Variants in SLC39A11 observed in about 807,000 individuals in gnomAD.
The protein encoded by SLC39A11 is solute carrier family 39 member 11, also known as zinc transporter ZIP11.
Under a neutral mutation model 36.1 loss-of-function variants are expected in SLC39A11, and 33 were observed. The observed-to-expected ratio is 0.91, with a 90% CI of 0.69 to 1.22. SLC39A11 has a LOEUF of 1.22. Among genes scored for constraint, SLC39A11 ranks in the 50% most tolerant of loss-of-function variants. The pLI, the probability that SLC39A11 is intolerant of heterozygous loss-of-function variation, is 0.00. For synonymous variants in SLC39A11, 166 were observed against 170.3 expected, an observed-to-expected ratio of 0.97 and a Z score of 0.20; for missense variants, 432 against 430.3, an observed-to-expected ratio of 1.00 and a Z score of -0.03.
At chr17:72,678,633 A>G (rs1167997664) in intron 7 of SLC39A11, among the ~76,000 whole-genome samples, 1 of 151,964 alleles carries the variant, frequency 6.6e-6, no homozygotes, top group Non-Finnish European at 1.5e-5. Context: ...TGAACCCAGG[A>G]GGCAAAGGTT....
chr17:72,848,231 C>A (rs1478612250), intron 6 of SLC39A11, among the ~76,000 whole-genome samples: 1 of 152,192 alleles, frequency 6.6e-6, no homozygotes, highest in African/African-American at 2.4e-5. Flanking sequence ...GTCAAGATAA[C>A]CTCCTTAGGA....
At chr17:72,749,241 A>G (rs2075057908) in intron 6 of SLC39A11, among the ~76,000 whole-genome samples, 1 of 152,146 alleles carries the variant, frequency 6.6e-6, no homozygotes, top group African/African-American at 2.4e-5. Flanking sequence ...TGTTGCTCCC[A>G]AACACTCTGT....
At chr17:72,689,730 G>A (rs2071931598) in intron 7 of SLC39A11, among the ~76,000 whole-genome samples, 1 of 152,292 alleles carries the variant, frequency 6.6e-6, no homozygotes, top group South Asian at 2.1e-4. Flanking sequence ...GACATGACAT[G>A]CCCCAAACAG....
intron 2 of SLC39A11, among the ~76,000 whole-genome samples, chr17:73,088,256 T>A (rs2060801207): frequency 6.8e-6 from 1 of 146,042 alleles, no homozygotes; most frequent in Admixed American, 7.2e-5. Context: ...ATCCTGCCAC[T>A]GCACGCCAGG....
intron 4 of SLC39A11, among the ~76,000 whole-genome samples, chr17:73,014,441 G>C (rs1436476508): frequency 6.6e-6 from 1 of 152,180 alleles, no homozygotes; most frequent in African/African-American, 2.4e-5. Flanking sequence ...AGAACTGCTT[G>C]AGTCCAGGAG....
chr17:72,765,216 T>C (rs1057401652), intron 6 of SLC39A11, among the ~76,000 whole-genome samples: 4 of 152,116 alleles, frequency 2.6e-5, no homozygotes, highest in Non-Finnish European at 4.4e-5. Context: ...TTTTGAGGTG[T>C]CTTTTCTGGT....
chr17:72,839,903 C>G (rs1041638141), intron 6 of SLC39A11, among the ~76,000 whole-genome samples: 1 of 152,174 alleles, frequency 6.6e-6, no homozygotes, highest in Admixed American at 6.5e-5. Flanking sequence ...CGTGGTGCTG[C>G]AGACATTAAC....
chr17:72,976,852 A>C (rs1390465801), intron 4 of SLC39A11, among the ~76,000 whole-genome samples: 1 of 152,184 alleles, frequency 6.6e-6, no homozygotes, highest in Non-Finnish European at 1.5e-5. Context: ...CCGTCTCAAA[A>C]AAAAAAAGAA....
chr17:72,951,096 T>C lies in SLC39A11; in HGVS notation c.307-3221A>G, dbSNP rs576579486. ...AGGCAACATAGTGAGGCCCCATTTC[T>C]TAAAAAAAAAAAAAATTAGCCAGGT... On this transcript the variant is annotated intron_variant, in intron 4 of 9. Transcript: ENST00000255559. Among the ~76,000 whole-genome samples the C allele has an allele frequency of 7.6e-5, 7 of 91,930 alleles. No homozygotes were observed. In the South Asian group the frequency reaches 2.6e-3, roughly 34 times the overall value. 60.3% of individuals were successfully genotyped at this position (91,930 alleles called of 152,430 possible).
At chr17:72,809,058 C>G (rs574335906) in intron 6 of SLC39A11, among the ~76,000 whole-genome samples, 1 of 152,326 alleles carries the variant, frequency 6.6e-6, no homozygotes, top group Non-Finnish European at 1.5e-5. Context: ...GCAAGAAGAA[C>G]ATGTTGGGTG....
chr17:72,843,466 T>C (rs1034918367), intron 6 of SLC39A11, among the ~76,000 whole-genome samples: 2 of 152,070 alleles, frequency 1.3e-5, no homozygotes, highest in African/African-American at 4.8e-5. Context: ...GGGAAGTGAT[T>C]AGGTCGTGAG....
intron 6 of SLC39A11, among the ~76,000 whole-genome samples, chr17:72,836,909 C>T (rs1471824007): frequency 6.6e-6 from 1 of 152,196 alleles, no homozygotes; most frequent in African/African-American, 2.4e-5. Flanking sequence ...CAATGTGAAG[C>T]AGAAGCTGTT....
Position 72,846,018 on chromosome 17 carries a change from CTTTTTTTTTT to C in SLC39A11, c.601+3606_601+3615del, listed in dbSNP as rs569100122. ...CCAATGAATCTCTCTCTCTCTCTCT[CTTTTTTTTTT>C]TTTTTTTTTTTTTTTTTTTGAGACA... is the stretch of plus-strand genomic sequence containing the variant. On this transcript the variant is annotated intron_variant, in intron 6 of 9. Coordinates refer to ENST00000255559, the MANE Select transcript of SLC39A11 (RefSeq NM_139177.4). Among the ~76,000 whole-genome samples, 28 of 57,960 alleles carry C rather than the reference CTTTTTTTTTT, an allele frequency of 4.8e-4. 1 individual carries two copies. The highest frequency in any genetic ancestry group is 1.4e-3 in the Admixed American group (5 of 3,486). 38.0% of individuals were successfully genotyped at this position (57,960 alleles called of 152,430 possible). A position where few individuals can be genotyped will look rare whatever the true frequency, so the allele number is the denominator to read the frequency against.
At chr17:73,022,053 C>T (rs775932720) in intron 4 of SLC39A11, among the ~76,000 whole-genome samples, 8 of 152,258 alleles carry the variant, frequency 5.3e-5, no homozygotes, top group African/African-American at 1.2e-4. Flanking sequence ...AGAGCAGACA[C>T]GCTTGAAATG....
At chr17:73,079,567 TC>T (rs1196883936) in intron 3 of SLC39A11, among the ~76,000 whole-genome samples, 1 of 152,002 alleles carries the variant, frequency 6.6e-6, no homozygotes, top group African/African-American at 2.4e-5. Context: ...TTGAAAGCAT[TC>T]CCCCTGGGAA....
rs556548112 is a variant in SLC39A11, at chr17:73,024,618, T to A, written c.306+6938A>T. Among the ~76,000 whole-genome samples, 4 of 152,288 alleles carry A rather than the reference T, an allele frequency of 2.6e-5. No homozygotes were observed. The South Asian group carries it at 6.2e-4, about 24-fold the overall frequency. Reference sequence around the variant, plus strand: ...GGGAGGAAAACTGCCTCTTGGAACATCTGTCACTTCTAAGACAGTTGTCAT... The same window carrying A: ...GGGAGGAAAACTGCCTCTTGGAACAACTGTCACTTCTAAGACAGTTGTCAT... On this transcript the variant is annotated intron_variant, in intron 4 of 9. Coordinates refer to ENST00000255559, the MANE Select transcript of SLC39A11 (RefSeq NM_139177.4).
chr17:72,772,503 G>T (rs529930012), intron 6 of SLC39A11, among the ~76,000 whole-genome samples: 2 of 152,248 alleles, frequency 1.3e-5, no homozygotes, highest in East Asian at 3.9e-4. Flanking sequence ...GAGTGCTCAG[G>T]CCCATGAGCA....
chr17:72,829,595 G>A (rs1035163715), intron 6 of SLC39A11, among the ~76,000 whole-genome samples: 10 of 152,138 alleles, frequency 6.6e-5, no homozygotes, highest in South Asian at 2.1e-4. Flanking sequence ...CAAACATGCC[G>A]AATTAGGGCA....
chr17:72,901,311 A>C (rs543341905), intron 5 of SLC39A11, among the ~76,000 whole-genome samples: 6 of 152,352 alleles, frequency 3.9e-5, no homozygotes, highest in African/African-American at 1.4e-4. Flanking sequence ...GGCCCACTGC[A>C]TCCTGGAGAT....
Sources: gnomAD v4.1 joint callset for allele counts (sites outside exome capture counted in the v4.1 genomes callset) on GRCh38, gnomAD v4.1.1 for gene constraint, MANE v1.5 for transcripts, NCBI Gene and HGNC (gene_info 2026-07-23, HGNC 2026-07-21) for gene names.